NEDD9: variants seen among roughly 807,000 people sequenced by gnomAD.
The protein encoded by NEDD9 is neural precursor cell expressed, developmentally down-regulated 9, also known as enhancer of filamentation 1.
A neutral mutation model predicts 76.6 loss-of-function variants in NEDD9; 26 were observed. The ratio of observed to expected loss-of-function variants is 0.34; its 90% CI spans 0.25 to 0.47. The LOEUF (loss-of-function observed/expected upper bound fraction) is 0.47. Among genes scored for constraint, NEDD9 ranks in the 20% least tolerant of loss-of-function variants. NEDD9 has a pLI of 1.00. For missense variants in NEDD9, 937 were observed against 1,058.5 expected (o/e 0.89, Z 1.59); for synonymous variants, 392 against 414.2 (o/e 0.95, Z 0.65).
chr6:11,196,351 G>A (rs1469807467), intron 2 of NEDD9, among the ~76,000 whole-genome samples: 5 of 152,226 alleles, frequency 3.3e-5, no homozygotes, highest in Admixed American at 1.3e-4. Flanking sequence ...GAAGGGGATT[G>A]GGAGCTAGAG....
chr6:11,186,612 T>G (rs10484449), intron 6 of NEDD9, among the ~76,000 whole-genome samples: 26,697 of 151,874 alleles, frequency 0.18, 2,464 homozygotes, highest in Middle Eastern at 0.2. Context: ...CACAGCCAGC[T>G]TTACTTTACT....
rs193205390 is a variant in NEDD9, at chr6:11,324,680, C to A, written c.-153+9821G>T. 4.6e-5 allele frequency among the ~76,000 whole-genome samples: 7 copies of A among 152,312 alleles called. No homozygotes were observed. The East Asian group carries it at 1.2e-3, about 25-fold the overall frequency. ...TTCTTGTCACCCTATTCACATGGAG[C>A]ATTCGCCATGAACTCAGAATTCTGG... On this transcript the variant is annotated intron_variant, in intron 2 of 3. Coordinates refer to the NEDD9 transcript ENST00000397378.
intron 3 of NEDD9, among the ~76,000 whole-genome samples, chr6:11,257,511 C>T (rs927121995): frequency 6.6e-6 from 1 of 152,180 alleles, no homozygotes. Context: ...TAACAGCCCC[C>T]CAAATAGACC....
Position 11,192,283 on chromosome 6 carries a change from A to AT in NEDD9, c.663+61_663+62insA, listed in dbSNP as rs1554123886. 2 of 238,674 alleles carry AT rather than the reference A, an allele frequency of 8.4e-6. 1 individual carries two copies. The highest frequency in any genetic ancestry group is 1.5e-5 in the Non-Finnish European group (2 of 131,116). 14.8% of individuals were successfully genotyped at this position (238,674 alleles called of 1,614,324 possible). On this transcript the variant is annotated intron_variant, in intron 4 of 6. Transcript: ENST00000379446. ...TACTTACCCACCCTCCCAACCCTGCACCCCCCGACACACAGACACACACAC... is the reference window on the plus strand; with the variant it reads ...TACTTACCCACCCTCCCAACCCTGCATCCCCCCGACACACAGACACACACAC...
chr6:11,265,583 T>C (rs1760186414), intron 3 of NEDD9, among the ~76,000 whole-genome samples: 1 of 152,224 alleles, frequency 6.6e-6, no homozygotes, highest in Non-Finnish European at 1.5e-5. Context: ...AAACTAAGAC[T>C]GGTCACCTTT....
chr6:11,289,231 A>G (rs552032060), intron 3 of NEDD9, among the ~76,000 whole-genome samples: 1 of 152,278 alleles, frequency 6.6e-6, no homozygotes, highest in African/African-American at 2.4e-5. Context: ...TGAACAATGA[A>G]GGCACATGTG....
chr6:11,290,079 T>TGTGAAA (rs1257032155), intron 3 of NEDD9, among the ~76,000 whole-genome samples: 1 of 152,020 alleles, frequency 6.6e-6, no homozygotes, highest in Non-Finnish European at 1.5e-5. Flanking sequence ...CACACAGGAG[T>TGTGAAA]TCTTTCCACT....
chr6:11,217,257 T>C (rs1283882049), intron 1 of NEDD9, among the ~76,000 whole-genome samples: 1 of 152,196 alleles, frequency 6.6e-6, no homozygotes, highest in Non-Finnish European at 1.5e-5. Flanking sequence ...AATGAATTCT[T>C]CTGGCAAGGA....
chr6:11,186,741 C>T (rs993507725), intron 6 of NEDD9, among the ~76,000 whole-genome samples: 17 of 152,190 alleles, frequency 1.1e-4, no homozygotes, highest in Non-Finnish European at 2.4e-4. Flanking sequence ...CCTCAGCCTC[C>T]CAAGTAGCTG....
chr6:11,264,978 C>T (rs1358953264), intron 3 of NEDD9, among the ~76,000 whole-genome samples: 1 of 152,166 alleles, frequency 6.6e-6, no homozygotes, highest in Non-Finnish European at 1.5e-5. Flanking sequence ...GGGTTACAGG[C>T]GTAAGCCACT....
At chr6:11,310,027 C>T (rs1157319766) in intron 2 of NEDD9, among the ~76,000 whole-genome samples, 2 of 152,176 alleles carry the variant, frequency 1.3e-5, no homozygotes, top group African/African-American at 4.8e-5. Context: ...AGGAGGGCAG[C>T]TGGTACCAAC....
At chr6:11,193,210 C>T (rs929286436) in intron 3 of NEDD9, among the ~76,000 whole-genome samples, 4 of 151,170 alleles carry the variant, frequency 2.6e-5, no homozygotes, top group African/African-American at 9.7e-5. Flanking sequence ...GAAGCTGAGG[C>T]AGGGGCAGGA....
intron 1 of NEDD9, among the ~76,000 whole-genome samples, chr6:11,367,661 C>G (rs893301923): frequency 6.6e-6 from 1 of 150,502 alleles, no homozygotes; most frequent in South Asian, 2.1e-4. Flanking sequence ...TAGCAAGTCT[C>G]TCAACTTCTC....
At chr6:11,232,286 C>G (rs1445911105) in intron 1 of NEDD9, among the ~76,000 whole-genome samples, 2 of 152,212 alleles carry the variant, frequency 1.3e-5, no homozygotes. Context: ...ACTTTCAGAG[C>G]AGATGGACTC....
At chr6:11,324,403 G>A (rs1054412598) in intron 2 of NEDD9, among the ~76,000 whole-genome samples, 1 of 152,060 alleles carries the variant, frequency 6.6e-6, no homozygotes, top group Non-Finnish European at 1.5e-5. Flanking sequence ...TCAGTGCACC[G>A]CCCGATCCCC....
At chr6:11,187,225 T>A (rs1342792666) in intron 6 of NEDD9, among the ~76,000 whole-genome samples, 1 of 152,212 alleles carries the variant, frequency 6.6e-6, no homozygotes, top group African/African-American at 2.4e-5. Flanking sequence ...GGATTAGAAC[T>A]CAGATTTCCT....
chr6:11,305,792 G>T, intron 3 of NEDD9: 1 of 613,548 alleles, frequency 1.6e-6, no homozygotes, highest in Non-Finnish European at 2.9e-6. Flanking sequence ...GATGCCCTGT[G>T]GGCATCAGTG....
chr6:11,272,601 G>C (rs1280685567), intron 3 of NEDD9, among the ~76,000 whole-genome samples: 1 of 152,168 alleles, frequency 6.6e-6, no homozygotes, highest in African/African-American at 2.4e-5. Flanking sequence ...TTCTCGTTTT[G>C]CACTAATAGT....
intron 2 of NEDD9, among the ~76,000 whole-genome samples, chr6:11,316,635 A>C (rs1761572860): frequency 1.3e-5 from 2 of 152,222 alleles, no homozygotes; most frequent in South Asian, 2.1e-4. Context: ...TCACACTGAA[A>C]ATAGTCACTA....
Sources: allele counts gnomAD v4.1 joint callset (sites outside exome capture counted in the v4.1 genomes callset), GRCh38; gene constraint gnomAD v4.1.1; transcripts MANE v1.5; gene names NCBI Gene and HGNC (gene_info 2026-07-23, HGNC 2026-07-21).